NAV2: variants seen among roughly 807,000 people sequenced by gnomAD.
The protein encoded by NAV2 is helicase, APC down-regulated 1.
In NAV2, 54 loss-of-function variants were observed where a neutral mutation model predicts 223.2. The observed-to-expected ratio is 0.24, with a 90% CI of 0.19 to 0.30. The LOEUF (loss-of-function observed/expected upper bound fraction) is 0.30, where lower values mean the gene tolerates loss of function less well. Among genes scored for constraint, NAV2 ranks in the 10% least tolerant of loss-of-function variants. The pLI is 1.00. For synonymous variants in NAV2, 1,279 were observed against 1,239.3 expected (o/e 1.03, Z -0.67); for missense variants, 2,806 against 3,147.5 (o/e 0.89, Z 2.60).
intron 1 of NAV2, among the ~76,000 whole-genome samples, chr11:19,719,252 G>A (rs530689211): frequency 2.4e-4 from 36 of 152,298 alleles, no homozygotes; most frequent in Admixed American, 5.9e-4. Context: ...GGTAGTCTGC[G>A]GAGCTCTTTA....
chr11:19,751,967 G>A (rs1202489217), intron 1 of NAV2, among the ~76,000 whole-genome samples: 10 of 152,250 alleles, frequency 6.6e-5, no homozygotes, highest in Admixed American at 1.3e-4. Flanking sequence ...CTGTGATCTC[G>A]TAGGATCTTC....
At chr11:19,631,924 C>T (rs2047357846) in intron 1 of NAV2, among the ~76,000 whole-genome samples, 1 of 152,238 alleles carries the variant, frequency 6.6e-6, no homozygotes, top group South Asian at 2.1e-4. Context: ...ATATTTTACA[C>T]ATTCTCCATC....
intron 1 of NAV2, among the ~76,000 whole-genome samples, chr11:19,827,150 G>A (rs956019615): frequency 6.6e-6 from 1 of 152,144 alleles, no homozygotes; most frequent in Non-Finnish European, 1.5e-5. Context: ...GGGAAGTGTG[G>A]GGTGTGTCCA....
At chr11:19,636,166 T>C (rs58865642) in intron 1 of NAV2, among the ~76,000 whole-genome samples, 4,108 of 152,328 alleles carry the variant, frequency 0.027, 170 homozygotes, top group African/African-American at 0.084. Context: ...ATGTCTGTTG[T>C]TGTCTTAACA....
intron 1 of NAV2, among the ~76,000 whole-genome samples, chr11:19,397,418 T>TGTGTGTGTGC (rs57566081): frequency 0.013 from 1,924 of 145,238 alleles, 44 homozygotes; most frequent in African/African-American, 0.046. Context: ...TGTGTGTGTG[T>TGTGTGTGTGC]GCGCGCATGT....
chr11:19,919,620 G>GT, intron 6 of NAV2, among the ~76,000 whole-genome samples: 1 of 152,356 alleles, frequency 6.6e-6, no homozygotes, highest in East Asian at 1.9e-4. Context: ...AGTTGGGTTA[G>GT]AGACCTGGTC....
intron 1 of NAV2, among the ~76,000 whole-genome samples, chr11:19,806,857 G>A (rs1163504220): frequency 2.0e-5 from 3 of 152,192 alleles, no homozygotes; most frequent in Non-Finnish European, 2.9e-5. Flanking sequence ...TCCTCTTTCG[G>A]AGATAATTAT....
chr11:19,437,786 T>C (rs28567419), intron 1 of NAV2, among the ~76,000 whole-genome samples: 33,864 of 152,206 alleles, frequency 0.22, 4,617 homozygotes, highest in Non-Finnish European at 0.31. Context: ...TTATAAAGTT[T>C]TCTTATACTT....
At chr11:19,650,779 A>G (rs1357473287) in intron 1 of NAV2, among the ~76,000 whole-genome samples, 3 of 152,232 alleles carry the variant, frequency 2.0e-5, no homozygotes, top group African/African-American at 4.8e-5. Flanking sequence ...CACAACATGA[A>G]TGAATCTCAA....
At position 19,946,434 on chromosome 11, in the gene NAV2, T is replaced by C. The variant is rs770656941; in HGVS notation, c.2180T>C (p.Val727Ala). The change falls in exon 9 of 38, where the codon GTG becomes GCG. Residue 727 changes from valine to alanine, a missense_variant. Physicochemically the swap from Val to Ala is moderately conservative, Grantham distance 64. Transcript: ENST00000349880. ...EDPEARRLRTVKNIADLRQNL... is the reference protein window; with the variant it reads ...EDPEARRLRTAKNIADLRQNL... ...CCTGAGGCTCGGCGGCTGCGGACAG[T>C]GAAGAACATCGCTGATCTGCGGCAG... 6 of 1,613,542 alleles carry C rather than the reference T, an allele frequency of 3.7e-6. No individual in the cohort carries two copies. The highest frequency in any genetic ancestry group is 3.3e-5 in the South Asian group (3 of 90,892).
intron 1 of NAV2, among the ~76,000 whole-genome samples, chr11:19,700,121 TC>T (rs1352634542): frequency 2.0e-5 from 3 of 152,298 alleles, no homozygotes; most frequent in Admixed American, 2.0e-4. Context: ...CTTAATGTGT[TC>T]CAGGAAATAT....
At chr11:19,522,429 G>A (rs1279802825) in intron 1 of NAV2, among the ~76,000 whole-genome samples, 1 of 152,188 alleles carries the variant, frequency 6.6e-6, no homozygotes. Flanking sequence ...AAACAGCTTA[G>A]AGGATGAGGC....
intron 1 of NAV2, among the ~76,000 whole-genome samples, chr11:19,352,571 A>G (rs1400709259): frequency 6.6e-6 from 1 of 152,164 alleles, no homozygotes; most frequent in Non-Finnish European, 1.5e-5. Context: ...GGTAACATCA[A>G]TTGGTCATGC....
intron 1 of NAV2, among the ~76,000 whole-genome samples, chr11:19,654,520 C>T (rs558580598): frequency 5.9e-5 from 9 of 152,172 alleles, no homozygotes; most frequent in Non-Finnish European, 1.3e-4. Flanking sequence ...ACCAAAACAG[C>T]ATGGTACTGG....
intron 1 of NAV2, among the ~76,000 whole-genome samples, chr11:19,423,007 C>T (rs1335921572): frequency 6.6e-6 from 1 of 152,156 alleles, no homozygotes; most frequent in Non-Finnish European, 1.5e-5. Flanking sequence ...CCTTGTGAGC[C>T]TCAGTTTTCC....
intron 3 of NAV2, among the ~76,000 whole-genome samples, chr11:19,865,878 G>A (rs1266268347): frequency 6.9e-6 from 1 of 145,460 alleles, no homozygotes; most frequent in Non-Finnish European, 1.5e-5. Context: ...TTCTTCTAGA[G>A]AAAGACAGGA....
intron 1 of NAV2, among the ~76,000 whole-genome samples, chr11:19,383,515 A>G (rs923621549): frequency 8.5e-5 from 13 of 152,210 alleles, no homozygotes; most frequent in African/African-American, 3.1e-4. Flanking sequence ...CCCTTTTTAA[A>G]AAGCCCTTGA....
At chr11:19,672,210 C>T (rs1463589237) in intron 1 of NAV2, among the ~76,000 whole-genome samples, 4 of 152,202 alleles carry the variant, frequency 2.6e-5, no homozygotes, top group Non-Finnish European at 2.9e-5. Flanking sequence ...GTGCAGTGCA[C>T]AGTCTCACCA....
intron 1 of NAV2, among the ~76,000 whole-genome samples, chr11:19,656,446 A>C (rs1478156696): frequency 6.6e-6 from 1 of 152,166 alleles, no homozygotes. Flanking sequence ...ATTGTGGTGA[A>C]ATGCCGTGAG....
Sources: allele counts gnomAD v4.1 joint callset (sites outside exome capture counted in the v4.1 genomes callset), GRCh38; gene constraint gnomAD v4.1.1; transcripts MANE v1.5; gene names NCBI Gene and HGNC (gene_info 2026-07-23, HGNC 2026-07-21).